OPCML: variants seen among roughly 807,000 people sequenced by gnomAD.
The protein encoded by OPCML is opioid binding protein/cell adhesion molecule like.
Under a neutral mutation model 37.8 loss-of-function variants are expected in OPCML, and 13 were observed. The ratio of observed to expected loss-of-function variants is 0.34; its 90% CI spans 0.22 to 0.55. The LOEUF (loss-of-function observed/expected upper bound fraction) is 0.55, where lower values mean the gene tolerates loss of function less well. Ranked by LOEUF, OPCML falls within the 20% of genes least tolerant of loss-of-function variation. OPCML has a pLI of 0.91. For missense variants in OPCML, 341 were observed against 435.6 expected (o/e 0.78, Z 1.93); for synonymous variants, 176 against 168.8 (o/e 1.04, Z -0.33).
intron 3 of OPCML, among the ~76,000 whole-genome samples, chr11:132,610,145 A>G (rs1183584669): frequency 6.6e-6 from 1 of 152,228 alleles, no homozygotes; most frequent in Non-Finnish European, 1.5e-5. Flanking sequence ...TTATAAAATA[A>G]CATTCCTACT....
chr11:133,320,846 T>C (rs1943312268), intron 1 of OPCML, among the ~76,000 whole-genome samples: 1 of 152,192 alleles, frequency 6.6e-6, no homozygotes, highest in Admixed American at 6.5e-5. Flanking sequence ...TGAAGGAAAT[T>C]GTTTTATGGG....
intron 1 of OPCML, chr11:133,024,274 T>C (rs1947507324): frequency 1.1e-6 from 1 of 884,936 alleles, no homozygotes; most frequent in Admixed American, 6.2e-5. Flanking sequence ...AAAAAGCTTC[T>C]AGAGCAAGCG....
chr11:133,078,191 C>A (rs1433544818), intron 1 of OPCML, among the ~76,000 whole-genome samples: 1 of 152,154 alleles, frequency 6.6e-6, no homozygotes, highest in African/African-American at 2.4e-5. Context: ...GGTGTGGACG[C>A]ACCGAGCACG....
In OPCML at chr11:132,589,750, A is replaced by G. The variant is rs578180562; in HGVS notation, c.380-60564T>C. 9.3e-4 allele frequency among the ~76,000 whole-genome samples: 141 copies of G among 152,006 alleles called. 3 individuals carry two copies. The South Asian group carries it at 0.029, about 31-fold the overall frequency. On this transcript the variant is annotated intron_variant, in intron 3 of 7. Transcript: ENST00000524381. Reference sequence around the variant, plus strand: ...ATAGGAGAATGGGCAGAGTGACTGGAGCATAGTTAAGAAGACGAAAAGTGG... The same window carrying G: ...ATAGGAGAATGGGCAGAGTGACTGGGGCATAGTTAAGAAGACGAAAAGTGG...
At chr11:133,292,401 T>C (rs1025453255) in intron 1 of OPCML, among the ~76,000 whole-genome samples, 1 of 152,202 alleles carries the variant, frequency 6.6e-6, no homozygotes, top group African/African-American at 2.4e-5. Flanking sequence ...TAGGAATCCC[T>C]TTCTTTTTAC....
At chr11:133,380,611 C>G (rs193186421) in intron 1 of OPCML, among the ~76,000 whole-genome samples, 1 of 152,058 alleles carries the variant, frequency 6.6e-6, no homozygotes, top group Admixed American at 6.6e-5. Flanking sequence ...TAATTGATAT[C>G]TTAGCTAAAC....
At chr11:133,434,921 A>G (rs940318589) in intron 1 of OPCML, among the ~76,000 whole-genome samples, 1 of 150,656 alleles carries the variant, frequency 6.6e-6, no homozygotes, top group Non-Finnish European at 1.5e-5. Flanking sequence ...AAAGATTCAG[A>G]TTCTGCAGTA....
intron 1 of OPCML, among the ~76,000 whole-genome samples, chr11:133,229,906 C>T (rs1178578102): frequency 2.0e-5 from 3 of 152,168 alleles, no homozygotes; most frequent in Non-Finnish European, 4.4e-5. Flanking sequence ...TGTGGATGTA[C>T]ATGTGGCGTG....
chr11:132,581,030 T>C (rs2096461056), intron 3 of OPCML, among the ~76,000 whole-genome samples: 3 of 152,168 alleles, frequency 2.0e-5, no homozygotes, highest in Admixed American at 2.0e-4. Context: ...AGGGTCTAGA[T>C]GACTACACAT....
chr11:133,357,246 A>T (rs1272401037), intron 1 of OPCML, among the ~76,000 whole-genome samples: 1 of 152,224 alleles, frequency 6.6e-6, no homozygotes, highest in Non-Finnish European at 1.5e-5. Context: ...GCATGGACAT[A>T]CACTTTGACC....
chr11:133,417,441 C>A (rs1162804513), intron 1 of OPCML, among the ~76,000 whole-genome samples: 1 of 151,802 alleles, frequency 6.6e-6, no homozygotes, highest in African/African-American at 2.4e-5. Flanking sequence ...ACAGAGCAAG[C>A]AAGTCACTAG....
At chr11:133,114,346 GA>G (rs1282809111) in intron 1 of OPCML, among the ~76,000 whole-genome samples, 1 of 152,088 alleles carries the variant, frequency 6.6e-6, no homozygotes, top group Admixed American at 6.5e-5. Context: ...GGGTCGTTCT[GA>G]CGTCTCTTTT....
intron 1 of OPCML, among the ~76,000 whole-genome samples, chr11:133,134,712 C>T (rs1949658399): frequency 6.6e-6 from 1 of 152,146 alleles, no homozygotes; most frequent in Admixed American, 6.5e-5. Context: ...GGAGCCCAGC[C>T]CACATCAAGC....
intron 1 of OPCML, among the ~76,000 whole-genome samples, chr11:133,429,042 A>C (rs890305660): frequency 3.3e-5 from 5 of 152,340 alleles, no homozygotes; most frequent in African/African-American, 1.2e-4. Flanking sequence ...TCTGATATAT[A>C]CAACAATGAT....
chr11:132,995,295 T>C (rs1946861059), intron 1 of OPCML, among the ~76,000 whole-genome samples: 1 of 152,178 alleles, frequency 6.6e-6, no homozygotes, highest in Non-Finnish European at 1.5e-5. Flanking sequence ...TGTGCTCGTT[T>C]ATGAAGGCAA....
At chr11:132,702,874 C>T (rs1036612760) in intron 2 of OPCML, among the ~76,000 whole-genome samples, 15 of 152,028 alleles carry the variant, frequency 9.9e-5, no homozygotes, top group East Asian at 3.9e-4. Flanking sequence ...CATTGTCTTC[C>T]ACAGAAGCAG....
intron 4 of OPCML, among the ~76,000 whole-genome samples, chr11:132,528,704 A>G (rs1019819508): frequency 6.6e-6 from 1 of 152,216 alleles, no homozygotes; most frequent in Non-Finnish European, 1.5e-5. Flanking sequence ...AAAGTTCTCC[A>G]TGGCCACGCT....
intron 1 of OPCML, among the ~76,000 whole-genome samples, chr11:133,191,504 G>GGTGTGGGTGTGT (rs1555111879): frequency 7.0e-6 from 1 of 142,360 alleles, no homozygotes; most frequent in Non-Finnish European, 1.5e-5. Flanking sequence ...TGTGTGTGTG[G>GGTGTGGGTGTGT]GTGTGTGTGT....
chr11:133,177,728 T>C lies in OPCML; in HGVS notation c.62-234718A>G, dbSNP rs1455492228. On this transcript the variant is annotated intron_variant, in intron 1 of 7. Coordinates refer to ENST00000524381, the MANE Select transcript of OPCML (RefSeq NM_001012393.5). This position sits in a 1 kb window ranked among gnomAD's most constrained non-coding sequence, Gnocchi z 5.0. ...TGGTACACTAAGGTCCACAGATTTTTCTAGCTGCTCGAGCAAATGTGGAAT... is the reference window on the plus strand; with the variant it reads ...TGGTACACTAAGGTCCACAGATTTTCCTAGCTGCTCGAGCAAATGTGGAAT... Among the ~76,000 whole-genome samples, 1 of 152,178 alleles carries C rather than the reference T, an allele frequency of 6.6e-6. No individual in the cohort carries two copies. The highest frequency in any genetic ancestry group is 1.9e-4 in the East Asian group (1 of 5,182).
Sources: allele counts gnomAD v4.1 joint callset (sites outside exome capture counted in the v4.1 genomes callset), GRCh38; gene constraint gnomAD v4.1.1; non-coding constraint Gnocchi (gnomAD v3.1); transcripts MANE v1.5; gene names NCBI Gene and HGNC (gene_info 2026-07-23, HGNC 2026-07-21).